Variants in GPR158 observed in about 807,000 individuals in gnomAD.
The protein encoded by GPR158 is metabotropic glycine receptor.
Under a neutral mutation model 78.2 loss-of-function variants are expected in GPR158, and 30 were observed. That is an observed-to-expected ratio of 0.38 (90% confidence interval 0.29 to 0.52). GPR158 has a LOEUF of 0.52. Among genes scored for constraint, GPR158 ranks in the 20% least tolerant of loss-of-function variants. The pLI is 0.83. For synonymous variants in GPR158, 581 were observed against 591.1 expected (o/e 0.98, Z 0.25); for missense variants, 1,463 against 1,523.5 (o/e 0.96, Z 0.66).
chr10:25,555,724 T>A lies in GPR158; in HGVS notation c.1514+4639T>A, dbSNP rs571157967. Reference sequence around the variant, plus strand: ...TTCTGAAGACTCTTGGGCTTTTCCTTTTTCTAAGGCTAATCAAGAAAAAAA... The same window carrying A: ...TTCTGAAGACTCTTGGGCTTTTCCTATTTCTAAGGCTAATCAAGAAAAAAA... On this transcript the variant is annotated intron_variant, in intron 6 of 10. Coordinates refer to ENST00000376351, the MANE Select transcript of GPR158 (RefSeq NM_020752.3). Among the ~76,000 whole-genome samples, 5 of 152,312 alleles carry A rather than the reference T, an allele frequency of 3.3e-5. No homozygotes were observed. The South Asian group carries it at 6.2e-4, about 19-fold the overall frequency.
chr10:25,380,975 A>T (rs928561239), intron 2 of GPR158, among the ~76,000 whole-genome samples: 1 of 152,214 alleles, frequency 6.6e-6, no homozygotes, highest in African/African-American at 2.4e-5. Context: ...TAACCTTAAC[A>T]TTTGCACAAA....
intron 2 of GPR158, among the ~76,000 whole-genome samples, chr10:25,351,436 G>GC (rs991642139): frequency 2.4e-4 from 36 of 150,928 alleles, no homozygotes; most frequent in Non-Finnish European, 4.4e-5. Flanking sequence ...GGGGGTGGGG[G>GC]GGTGCTGGAA....
chr10:25,401,414 A>G (rs1222281630), intron 3 of GPR158, among the ~76,000 whole-genome samples: 1 of 151,964 alleles, frequency 6.6e-6, no homozygotes, highest in Non-Finnish European at 1.5e-5. Flanking sequence ...ATTTTCATAT[A>G]TTTTTCATTA....
intron 2 of GPR158, among the ~76,000 whole-genome samples, chr10:25,368,740 T>A (rs138926834): frequency 6.7e-6 from 1 of 150,238 alleles, no homozygotes; most frequent in Non-Finnish European, 1.5e-5. Context: ...GGGGATGGCA[T>A]TGAATCTGTA....
At chr10:25,579,449 A>T (rs1228254012) in intron 7 of GPR158, among the ~76,000 whole-genome samples, 1 of 152,256 alleles carries the variant, frequency 6.6e-6, no homozygotes, top group East Asian at 1.9e-4. Flanking sequence ...TTTAAAATAC[A>T]TTTATTTTAT....
chr10:25,313,494 TAA>T (rs150687213), intron 2 of GPR158, among the ~76,000 whole-genome samples: 11 of 147,110 alleles, frequency 7.5e-5, no homozygotes, highest in African/African-American at 2.5e-4. Flanking sequence ...AATCAATGGG[TAA>T]AAAAAAAAAA....
chr10:25,304,008 A>G (rs1854633505), intron 2 of GPR158, among the ~76,000 whole-genome samples: 1 of 152,230 alleles, frequency 6.6e-6, no homozygotes, highest in African/African-American at 2.4e-5. Flanking sequence ...GTGCCTATAT[A>G]TGAAGAGGTG....
Position 25,296,597 on chromosome 10 carries a change from C to T in GPR158, c.1008+75440C>T, listed in dbSNP as rs550059299. ...CTTGCTTATTGGTATATTCCTAGTA[C>T]CAAAATGAGTACCCAGTATGTTAAA... is the stretch of plus-strand genomic sequence containing the variant. On this transcript the variant is annotated intron_variant, in intron 2 of 10. Transcript: ENST00000376351. 3.3e-5 allele frequency among the ~76,000 whole-genome samples: 5 copies of T among 151,812 alleles called. No individual in the cohort carries two copies. In the South Asian group the frequency reaches 8.3e-4, roughly 25 times the overall value.
intron 7 of GPR158, among the ~76,000 whole-genome samples, chr10:25,587,505 G>T (rs1392654795): frequency 6.6e-6 from 1 of 152,196 alleles, no homozygotes; most frequent in Non-Finnish European, 1.5e-5. Flanking sequence ...ATGAAAGTTG[G>T]AGATTTCAAA....
At chr10:25,545,640 T>G (rs764346613) in intron 5 of GPR158, among the ~76,000 whole-genome samples, 2 of 152,150 alleles carry the variant, frequency 1.3e-5, no homozygotes, top group Non-Finnish European at 2.9e-5. Flanking sequence ...TTGATTTTGG[T>G]TTTCAGCTTG....
intron 2 of GPR158, among the ~76,000 whole-genome samples, chr10:25,318,562 T>C (rs893184510): frequency 3.3e-5 from 5 of 152,142 alleles, no homozygotes; most frequent in African/African-American, 1.2e-4. Flanking sequence ...TAGAAACAAA[T>C]CTACTGGAAA....
intron 2 of GPR158, among the ~76,000 whole-genome samples, chr10:25,358,768 C>A (rs1339884431): frequency 2.0e-5 from 3 of 152,006 alleles, no homozygotes; most frequent in Admixed American, 6.6e-5. Flanking sequence ...TGTGAACTCC[C>A]AGATTTTTCT....
At chr10:25,350,984 A>G (rs1855451558) in intron 2 of GPR158, among the ~76,000 whole-genome samples, 2 of 151,972 alleles carry the variant, frequency 1.3e-5, no homozygotes, top group Admixed American at 6.6e-5. Flanking sequence ...AAGTTTTATG[A>G]GGGGTTATAA....
intron 2 of GPR158, among the ~76,000 whole-genome samples, chr10:25,234,019 C>G (rs1261991617): frequency 6.6e-6 from 1 of 151,742 alleles, no homozygotes; most frequent in Non-Finnish European, 1.5e-5. Flanking sequence ...GGAATTTTAT[C>G]AGTTTTAATA....
intron 4 of GPR158, among the ~76,000 whole-genome samples, chr10:25,439,708 A>G (rs2130587174): frequency 6.6e-6 from 1 of 152,082 alleles, no homozygotes; most frequent in African/African-American, 2.4e-5. Flanking sequence ...TATACCCTCC[A>G]CTCCTTGGAT....
chr10:25,486,538 C>T (rs1343198752), intron 5 of GPR158, among the ~76,000 whole-genome samples: 2 of 152,098 alleles, frequency 1.3e-5, no homozygotes, highest in South Asian at 2.1e-4. Flanking sequence ...ATACGTTAGT[C>T]GATGAAGTGC....
At chr10:25,521,071 G>A (rs954589730) in intron 5 of GPR158, among the ~76,000 whole-genome samples, 31 of 152,302 alleles carry the variant, frequency 2.0e-4, no homozygotes, top group Admixed American at 1.6e-3. Flanking sequence ...CTCGTGGTGC[G>A]CCATTTCCTA....
intron 2 of GPR158, among the ~76,000 whole-genome samples, chr10:25,322,523 T>G (rs1854967453): frequency 6.6e-6 from 1 of 152,262 alleles, no homozygotes; most frequent in African/African-American, 2.4e-5. Context: ...CTGTTACTGA[T>G]GATATTTTGA....
intron 7 of GPR158, among the ~76,000 whole-genome samples, chr10:25,574,408 AT>A (rs1215053959): frequency 6.6e-6 from 1 of 152,182 alleles, no homozygotes; most frequent in African/African-American, 2.4e-5. Context: ...ACATAGATGC[AT>A]GAGAATTATT....
Sources: gnomAD v4.1 joint callset for allele counts (sites outside exome capture counted in the v4.1 genomes callset) on GRCh38, gnomAD v4.1.1 for gene constraint, MANE v1.5 for transcripts, NCBI Gene and HGNC (gene_info 2026-07-23, HGNC 2026-07-21) for gene names.